Variants in E4F1 observed in about 807,000 individuals in gnomAD.
E4F1 encodes transcription factor E4F1.
A neutral mutation model predicts 72.9 loss-of-function variants in E4F1; 30 were observed. That is an observed-to-expected ratio of 0.41 (90% CI 0.31 to 0.56). E4F1 has a LOEUF of 0.56. Among genes scored for constraint, E4F1 ranks in the 20% least tolerant of loss-of-function variants. E4F1 has a pLI of 0.25. For synonymous variants in E4F1, 542 were observed against 478.2 expected (o/e 1.13, Z -1.74); for missense variants, 1,091 against 1,117.5 (o/e 0.98, Z 0.34).
intron 2 of E4F1, 21 bp from the exon 3 acceptor site, chr16:2,229,549 G>T: frequency 6.2e-7 from 1 of 1,605,612 alleles, no homozygotes. Context: ...CGACTCCCCT[G>T]TTTTCTTCCC....
intron 2 of E4F1, 52 bp from the exon 3 acceptor site, chr16:2,229,518 A>G (rs1368934371): frequency 1.3e-6 from 2 of 1,570,014 alleles, no homozygotes; most frequent in Non-Finnish European, 8.7e-7. Flanking sequence ...TTCTCTGAGA[A>G]CTAACTCTGG....
chr16:2,233,120 C>T lies in E4F1; in HGVS notation c.993C>T (p.Val331=), dbSNP rs781584850. Residue 331 remains valine (V), a synonymous_variant, in exon 7 of 14, where the codon GTC becomes GTT. Coordinates refer to ENST00000301727, the MANE Select transcript of E4F1 (RefSeq NM_004424.5). ...TGGTGACAGATGCCAAGGGCACCGT[C>T]ATCCACGAAGTCCACGTCCAGATGC... ...IHLVTDAKGT[V]IHEVHVQMQE... is the part of the protein sequence containing the mutation. 3 of 1,612,514 alleles carry T rather than the reference C, an allele frequency of 1.9e-6. No individual in the cohort carries two copies. In the South Asian group the frequency reaches 3.3e-5, roughly 18 times the overall value.
Position 2,232,261 on chromosome 16 carries a change from A to G in E4F1, c.506A>G (p.Gln169Arg), listed in dbSNP as rs1240003589. 7 of 1,612,458 alleles carry G rather than the reference A, an allele frequency of 4.3e-6. No individual in the cohort carries two copies. Among genetic ancestry groups the G allele is most frequent in the Non-Finnish European group, 5.9e-6 (7 of 1,179,654 alleles). The change falls in exon 4 of 14, where the codon CAG becomes CGG. Residue 169 changes from glutamine to arginine, a missense_variant. Around this residue, in one of 5 missense-constraint regions of E4F1, gnomAD observed 362 missense variants for 358.6 expected, o/e 1.01. Transcript: ENST00000301727. ...GAGGCCCCGGGCAGCCCCCGCCAGC[A>G]GGGGCTGGGGCTCGCAGGGGAGGGT... Reference protein sequence around the residue: ...MAEAPGSPRQQGLGLAGEGEQ... With the variant: ...MAEAPGSPRQRGLGLAGEGEQ...
intron 10 of E4F1, 90 bp downstream of exon 10, chr16:2,234,478 C>T (rs758242392): frequency 2.4e-4 from 372 of 1,570,250 alleles, no homozygotes; most frequent in Non-Finnish European, 3.0e-4. Flanking sequence ...CTGCCTCCAC[C>T]ATGCTCAGTC....
rs761050026 is a variant in E4F1 at position 2,233,532 on chromosome 16, G to A, written c.1151G>A (p.Arg384His). Residue 384 changes from arginine (R) to histidine (H), a missense_variant, in exon 8 of 14, where the codon CGC (arginine) becomes CAC (histidine). Transcript: ENST00000301727. ...AMQNSGIVLE[R>H]AAGEEGALEP... is the part of the protein sequence containing the mutation. The stretch of plus-strand genomic sequence containing the variant: ...CAGAACTCCGGCATCGTCCTTGAGC[G>A]CGCTGCTGGGGAGGAGGGTGCCCTG... 12 of 1,520,396 alleles carry A rather than the reference G, an allele frequency of 7.9e-6. No individual in the cohort carries two copies. The highest frequency in any genetic ancestry group is 4.1e-5 in the African/African-American group (3 of 72,578). The allele number at this position is 1,520,396 out of a possible 1,614,324, so 94.2% of individuals were successfully genotyped here. A position where few individuals can be genotyped will look rare whatever the true frequency, so the allele number is the denominator to read the frequency against.
rs1436284431 is a variant in E4F1, at chr16:2,234,209, T to C, written c.1414T>C (p.Phe472Leu). 1 of 1,612,686 alleles carries C rather than the reference T, an allele frequency of 6.2e-7. No individual in the cohort carries two copies. Among genetic ancestry groups the C allele is most frequent in the Non-Finnish European group, 8.5e-7 (1 of 1,179,920 alleles). Residue 472 changes from phenylalanine (F) to leucine (L), a missense_variant, in exon 10 of 14, where the codon TTC becomes CTC. Transcript: ENST00000301727. The stretch of plus-strand genomic sequence containing the variant: ...CGCCTGCGCGCAGTGTGGCAAGGCC[T>C]TCCCCAAGGCCTACCTGCTCAAGAA... The part of the protein sequence containing the change: ...PFACAQCGKA[F>L]PKAYLLKKHQ...
At position 2,224,032 on chromosome 16, in the gene E4F1, C is replaced by G; in HGVS notation, c.157+262C>G. 2.2e-6 allele frequency: 3 copies of G among 1,343,432 alleles called. No homozygotes were observed. The African/African-American group carries it at 4.6e-5, about 21-fold the overall frequency. 83.2% of individuals were successfully genotyped at this position (1,343,432 alleles called of 1,614,324 possible). The stretch of plus-strand genomic sequence containing the variant: ...GCGGGTTGCTGAGCCCCCGGGCGCC[C>G]GGTGTAGACATTCGCAGACGCCGGC... On this transcript the variant is annotated intron_variant, in intron 1 of 13. Coordinates refer to ENST00000301727, the MANE Select transcript of E4F1 (RefSeq NM_004424.5).
chr16:2,226,245 G>A (rs2093432154), intron 1 of E4F1, among the ~76,000 whole-genome samples: 1 of 152,198 alleles, frequency 6.6e-6, no homozygotes, highest in Non-Finnish European at 1.5e-5. Flanking sequence ...GAAGGGCAGT[G>A]CCCTCATGGC....
At chr16:2,229,467 G>A in intron 2 of E4F1, 103 bp from the exon 3 acceptor site, 1 of 1,278,354 alleles carries the variant, frequency 7.8e-7, no homozygotes, top group Middle Eastern at 1.9e-4. Context: ...AGCACCACAA[G>A]TCACACCTCC....
In E4F1 at chr16:2,232,787, A is replaced by G; in HGVS notation, c.762A>G (p.Gly254=). The part of the protein sequence containing the change: ...DERPYKCSKC[G]KSFRESGALT... ...GCCCCTACAAGTGCTCCAAGTGTGG[A>G]AAGAGCTTCCGGGAGTCGGGTGCAC... The change falls in exon 6 of 14, where the codon GGA becomes GGG. Residue 254 remains glycine (G), a synonymous_variant. Transcript: ENST00000301727. The G allele has an allele frequency of 6.2e-7, 1 of 1,613,362 alleles. No individual in the cohort carries two copies. Among genetic ancestry groups the G allele is most frequent in the Non-Finnish European group, 8.5e-7 (1 of 1,180,008 alleles).
intron 1 of E4F1, among the ~76,000 whole-genome samples, chr16:2,225,450 CAT>C (rs1395167816): frequency 2.0e-5 from 3 of 150,604 alleles, no homozygotes; most frequent in African/African-American, 7.3e-5. Flanking sequence ...GCCTGGGCAA[CAT>C]AGTAAGACCC....
At chr16:2,225,867 G>C (rs937924438) in intron 1 of E4F1, among the ~76,000 whole-genome samples, 2 of 151,720 alleles carry the variant, frequency 1.3e-5, no homozygotes, top group Admixed American at 6.6e-5. Context: ...AGGCTGAGAC[G>C]GGCGGATCCC....
rs150020970 is a variant in E4F1 at position 2,232,877 on chromosome 16, C to A, written c.852C>A (p.Asp284Glu). ...AAATCCGCTTCAGTGTGAGCAAGGA[C>A]GTGGTTGTCAGCAAAGAGGACGCAC... ...TEKIRFSVSK[D>E]VVVSKEDARA... is the part of the protein sequence containing the mutation. Residue 284 changes from aspartate (D) to glutamate (E), a missense_variant, in exon 6 of 14, where the codon GAC (aspartate) becomes GAA (glutamate). Asp to Glu is a conservative substitution (Grantham distance 45). Around this residue, in one of 5 missense-constraint regions of E4F1, gnomAD observed 101 missense variants for 97.4 expected, o/e 1.04. Transcript: ENST00000301727. 6.2e-7 allele frequency: 1 copy of A among 1,613,410 alleles called. No homozygotes were observed. The highest frequency in any genetic ancestry group is 8.5e-7 in the Non-Finnish European group (1 of 1,180,016).
chr16:2,229,879 G>A (rs932635178), intron 3 of E4F1: 1 of 567,556 alleles, frequency 1.8e-6, no homozygotes, highest in Non-Finnish European at 3.2e-6. Context: ...TGTCCACAGT[G>A]GCCGGGGGCA....
Position 2,235,609 on chromosome 16 carries a change from G to T in E4F1, c.*37G>T. The T allele has an allele frequency of 6.6e-7, 1 of 1,523,826 alleles. No homozygotes were observed. Among genetic ancestry groups the T allele is most frequent in the South Asian group, 1.3e-5 (1 of 79,302 alleles). 94.4% of individuals were successfully genotyped at this position (1,523,826 alleles called of 1,614,324 possible). A position where few individuals can be genotyped will look rare whatever the true frequency, so the allele number is the denominator to read the frequency against. The stretch of plus-strand genomic sequence containing the variant: ...CGGGGTCCTGGCCGGGCAGGGACAG[G>T]GCAGAGGACTCTGAGCGCCCCACCC... On this transcript the variant is annotated 3_prime_UTR_variant, in exon 14 of 14. Transcript: ENST00000301727.
Position 2,235,357 on chromosome 16 carries a change from G to A in E4F1, c.2140G>A (p.Ala714Thr), listed in dbSNP as rs745771766. The change falls in exon 14 of 14, where the codon GCC becomes ACC. Residue 714 changes from alanine (A) to threonine (T), a missense_variant. Ala to Thr is a moderately conservative substitution (Grantham distance 58). Around this residue, in one of 5 missense-constraint regions of E4F1, gnomAD observed 622 missense variants for 628.0 expected, o/e 0.99. Transcript: ENST00000301727. Reference protein sequence around the residue: ...EAAAADTITIATPESLTEQVA... With the variant: ...EAAAADTITITTPESLTEQVA... ...GGCTGCCGCCGACACCATCACCATC[G>A]CCACCCCCGAGAGCCTGACAGAGCA... 55 of 1,609,536 alleles carry A rather than the reference G, an allele frequency of 3.4e-5. No homozygotes were observed. Among genetic ancestry groups the A allele is most frequent in the Non-Finnish European group, 4.4e-5 (52 of 1,179,926 alleles).
At position 2,234,577 on chromosome 16, in the gene E4F1, C is replaced by G; in HGVS notation, c.1594-6C>G. 1 of 1,580,446 alleles carries G rather than the reference C, an allele frequency of 6.3e-7. No individual in the cohort carries two copies. Among genetic ancestry groups the G allele is most frequent in the Non-Finnish European group, 8.6e-7 (1 of 1,163,300 alleles). ...GCCAGGCTGGCACTGACAGGTGTCT[C>G]CACAGAACGCACAGCAGGTGCACTT... On this transcript the variant is annotated splice_polypyrimidine_tract_variant and splice_region_variant and intron_variant, in intron 10 of 13. Transcript: ENST00000301727.
intron 3 of E4F1, chr16:2,229,956 G>A (rs2093457192): frequency 7.4e-6 from 3 of 406,588 alleles, no homozygotes; most frequent in African/African-American, 4.1e-5. Flanking sequence ...GGTCTCTGCC[G>A]TGTCCCTCCC....
chr16:2,229,310 C>G (rs1381378270), intron 2 of E4F1, among the ~76,000 whole-genome samples: 1 of 152,254 alleles, frequency 6.6e-6, no homozygotes, highest in Non-Finnish European at 1.5e-5. Context: ...GCCCTGTGCT[C>G]CAGGTCCAGC....
Sources: allele counts gnomAD v4.1 joint callset (sites outside exome capture counted in the v4.1 genomes callset), GRCh38; gene constraint gnomAD v4.1.1; regional missense constraint gnomAD v4.1.1; transcripts MANE v1.5; gene names NCBI Gene and HGNC (gene_info 2026-07-23, HGNC 2026-07-21).